Variants in USP25 observed in about 807,000 individuals in gnomAD.
USP25 encodes the protein ubiquitin specific peptidase 25.
USP25 carries 85 observed loss-of-function variants against 158.5 expected under a neutral mutation model. That is an observed-to-expected ratio of 0.54 (90% CI 0.45 to 0.64). USP25 has a LOEUF of 0.64. Ranked by LOEUF, USP25 falls within the 30% of genes least tolerant of loss-of-function variation. USP25 has a pLI of 0.00. For synonymous variants in USP25, 464 were observed against 460.4 expected (o/e 1.01, Z -0.10); for missense variants, 1,242 against 1,327.3 (o/e 0.94, Z 1.00).
intron 10 of USP25, among the ~76,000 whole-genome samples, chr21:15,823,537 G>A (rs1016615690): frequency 1.3e-5 from 2 of 152,020 alleles, no homozygotes; most frequent in African/African-American, 4.8e-5. Context: ...ATCCAGCAGA[G>A]GAGCTAAAGC....
At chr21:15,874,722 A>G (rs2040032574) in intron 24 of USP25, among the ~76,000 whole-genome samples, 196 bp downstream of exon 24, 1 of 152,212 alleles carries the variant, frequency 6.6e-6, no homozygotes, top group Non-Finnish European at 1.5e-5. Context: ...AATCCCAAGT[A>G]CTATAGGTGA....
At chr21:15,763,008 GC>G (rs1466696472) in intron 2 of USP25, 40 bp downstream of exon 2, 1 of 1,555,264 alleles carries the variant, frequency 6.4e-7, no homozygotes, top group Middle Eastern at 1.7e-4. Flanking sequence ...TGTGGTATAT[GC>G]TCATCTCTAG....
At chr21:15,790,553 A>T (rs918613396) in intron 4 of USP25, among the ~76,000 whole-genome samples, 1 of 152,004 alleles carries the variant, frequency 6.6e-6, no homozygotes, top group African/African-American at 2.4e-5. Flanking sequence ...AAAAGTTGAA[A>T]AAAACTAATC....
intron 1 of USP25, among the ~76,000 whole-genome samples, chr21:15,736,105 C>CTT (rs201592341): frequency 6.8e-6 from 1 of 146,140 alleles, no homozygotes; most frequent in Admixed American, 6.9e-5. Flanking sequence ...TTATTTCCTG[C>CTT]TTTTTTTTTT....
At chr21:15,758,260 T>C (rs2033513838) in intron 1 of USP25, among the ~76,000 whole-genome samples, 1 of 152,202 alleles carries the variant, frequency 6.6e-6, no homozygotes, top group African/African-American at 2.4e-5. Context: ...CTCACGCTGC[T>C]ATAAGGACAT....
Position 15,847,728 on chromosome 21 carries a change from T to A in USP25, c.2403T>A (p.His801Gln). 1 of 1,550,168 alleles carries A rather than the reference T, an allele frequency of 6.5e-7. No individual in the cohort carries two copies. Residue 801 changes from histidine (H) to glutamine (Q), a missense_variant, in exon 19 of 26, where the codon CAT becomes CAA. Physicochemically the swap from His to Gln is conservative, Grantham distance 24. Around this residue, in one of 3 missense-constraint regions of USP25, gnomAD observed 608 missense variants for 605.2 expected, o/e 1.00. Transcript: ENST00000400183. ...NQRVVEVAIPHVGKFMIESKE... is the reference protein window; with the variant it reads ...NQRVVEVAIPQVGKFMIESKE... ...GAGTTGTAGAGGTGGCGATCCCTCA[T>A]GTAGGGAAATTTATGATTGAATCAA...
chr21:15,795,660 T>C (rs1222082527), intron 5 of USP25, among the ~76,000 whole-genome samples: 2 of 151,594 alleles, frequency 1.3e-5, no homozygotes, highest in Non-Finnish European at 3.0e-5. Flanking sequence ...TCCTTTGTAC[T>C]GTGACATACA....
intron 22 of USP25, among the ~76,000 whole-genome samples, chr21:15,869,497 G>A (rs531277743): frequency 6.6e-6 from 1 of 151,976 alleles, no homozygotes; most frequent in African/African-American, 2.4e-5. Flanking sequence ...TAGTTGTTTT[G>A]GGGGTGGGGA....
chr21:15,830,411 G>A (rs951077385), intron 14 of USP25, 120 bp from the exon 15 acceptor site: 2 of 721,706 alleles, frequency 2.8e-6, no homozygotes, highest in African/African-American at 3.7e-5. Flanking sequence ...TGTTTTTTAA[G>A]AAAAGTTTTA....
chr21:15,822,732 A>G (rs1439094282), intron 10 of USP25, among the ~76,000 whole-genome samples: 3 of 152,014 alleles, frequency 2.0e-5, no homozygotes, highest in African/African-American at 4.8e-5. Context: ...TAACTCAAAA[A>G]TTCTTGCCAG....
At chr21:15,824,854 G>A in intron 11 of USP25, 112 bp from the exon 12 acceptor site, 1 of 779,190 alleles carries the variant, frequency 1.3e-6, no homozygotes, top group Admixed American at 2.8e-5. Context: ...GACCTCAGGT[G>A]ATCCTCCCGC....
chr21:15,750,181 CGTGTGTGTGTGTGTGTGTGTGT>C (rs367779613), intron 1 of USP25, among the ~76,000 whole-genome samples: 1 of 126,942 alleles, frequency 7.9e-6, no homozygotes. Flanking sequence ...TCTCCAGTGC[CGTGTGTGTGTGTGTGTGTGTGT>C]GTGTGTGTAT....
intron 20 of USP25, among the ~76,000 whole-genome samples, chr21:15,858,318 AT>A (rs2039258005): frequency 4.0e-5 from 6 of 151,870 alleles, no homozygotes; most frequent in Admixed American, 3.9e-4. Flanking sequence ...AAGGAACATG[AT>A]ACGCCTTTTC....
intron 1 of USP25, among the ~76,000 whole-genome samples, chr21:15,733,091 G>A (rs2031100169): frequency 8.5e-6 from 1 of 117,742 alleles, no homozygotes; most frequent in Non-Finnish European, 1.6e-5. Context: ...TCAGAAATTT[G>A]ATACATAGAT....
intron 4 of USP25, among the ~76,000 whole-genome samples, chr21:15,784,539 T>C (rs1279341334): frequency 6.6e-6 from 1 of 151,786 alleles, no homozygotes; most frequent in Non-Finnish European, 1.5e-5. Context: ...GCCATTGGAC[T>C]CCAGCTTGGG....
In USP25 at chr21:15,849,867, T is replaced by C; in HGVS notation, c.2542T>C (p.Phe848Leu). The C allele has an allele frequency of 6.6e-7, 1 of 1,509,980 alleles. No homozygotes were observed. 93.5% of individuals were successfully genotyped at this position (1,509,980 alleles called of 1,614,324 possible). Residue 848 changes from phenylalanine to leucine, a missense_variant, in exon 20 of 26, where the codon TTT becomes CTT. Transcript: ENST00000400183. ...CAGGTGTGGCCCTGAAGCAGGGTTC[T>C]TTAAGGTACAATGAACATTTTCATT... ...YDRCGPEAGF[F>L]KAIKLEYARL...
intron 4 of USP25, among the ~76,000 whole-genome samples, chr21:15,782,311 C>G (rs1174026313): frequency 3.3e-5 from 5 of 152,184 alleles, no homozygotes; most frequent in African/African-American, 1.2e-4. Flanking sequence ...TCTGCCTGTA[C>G]CACTGGAGGA....
rs112486053 is a variant in USP25 at position 15,833,901 on chromosome 21, A to C, written c.2194+353A>C. ...TAAAGCTATCAAGAGTATCAATTCAATAAAGCTATCAAGAGTATCAATTCA... is the reference window on the plus strand; with the variant it reads ...TAAAGCTATCAAGAGTATCAATTCACTAAAGCTATCAAGAGTATCAATTCA... On this transcript the variant is annotated intron_variant, in intron 17 of 25. Transcript: ENST00000400183. 5.9e-5 allele frequency among the ~76,000 whole-genome samples: 9 copies of C among 151,976 alleles called. No individual in the cohort carries two copies. In the South Asian group the frequency reaches 6.2e-4, roughly 10 times the overall value.
At chr21:15,745,664 C>T (rs1211537424) in intron 1 of USP25, among the ~76,000 whole-genome samples, 1 of 151,858 alleles carries the variant, frequency 6.6e-6, no homozygotes, top group Non-Finnish European at 1.5e-5. Flanking sequence ...TTAGTAGAGA[C>T]AGGGTTTCAC....
Sources: gnomAD v4.1 joint callset for allele counts (sites outside exome capture counted in the v4.1 genomes callset) on GRCh38, gnomAD v4.1.1 for gene constraint, gnomAD v4.1.1 regional missense constraint, MANE v1.5 for transcripts, NCBI Gene and HGNC (gene_info 2026-07-23, HGNC 2026-07-21) for gene names.